The following SGCZ variants were observed in gnomAD, a reference collection of about 807,000 sequenced individuals.
SGCZ encodes the protein zeta-sarcoglycan.
SGCZ carries 40 observed loss-of-function variants against 41.3 expected under a neutral mutation model. That is an observed-to-expected ratio of 0.97 (90% CI 0.75 to 1.26). The LOEUF (loss-of-function observed/expected upper bound fraction) is 1.26. SGCZ is among the 50% of genes most tolerant of loss of function. The pLI is 0.00. For synonymous variants in SGCZ, 206 were observed against 137.5 expected (o/e 1.50, Z -3.49); for missense variants, 552 against 369.8 (o/e 1.49, Z -4.04).
At chr8:14,235,556 C>T (rs988630518) in intron 4 of SGCZ, among the ~76,000 whole-genome samples, 1 of 152,200 alleles carries the variant, frequency 6.6e-6, no homozygotes, top group Non-Finnish European at 1.5e-5. Flanking sequence ...TTATTTCCTG[C>T]AGGAAAGCAT....
intron 2 of SGCZ, among the ~76,000 whole-genome samples, chr8:14,526,346 G>T (rs998022782): frequency 2.0e-5 from 3 of 152,098 alleles, no homozygotes; most frequent in Admixed American, 2.0e-4. Flanking sequence ...GCAATAGTCA[G>T]AGTTCTTTTC....
At chr8:14,212,402 C>G (rs1210665717) in intron 4 of SGCZ, among the ~76,000 whole-genome samples, 1 of 147,440 alleles carries the variant, frequency 6.8e-6, no homozygotes, top group Non-Finnish European at 1.5e-5. Flanking sequence ...AGGCATCAAG[C>G]AGGAGCTTTA....
intron 1 of SGCZ, among the ~76,000 whole-genome samples, chr8:14,684,675 C>T (rs62493145): frequency 0.4 from 59,229 of 147,486 alleles, 13,910 homozygotes; most frequent in Non-Finnish European, 0.54. Context: ...GAAATAGTTT[C>T]GACACCTTTG....
At chr8:14,426,111 G>A (rs531129347) in intron 2 of SGCZ, among the ~76,000 whole-genome samples, 78 of 152,082 alleles carry the variant, frequency 5.1e-4, no homozygotes, top group African/African-American at 1.8e-3. Context: ...TTGAGTGCCT[G>A]GTCTATTCCA....
intron 1 of SGCZ, among the ~76,000 whole-genome samples, chr8:14,828,355 C>T (rs772414069): frequency 6.6e-6 from 1 of 152,110 alleles, no homozygotes; most frequent in South Asian, 2.1e-4. Context: ...TGATTAAAAG[C>T]AAAAACAAAA....
intron 2 of SGCZ, among the ~76,000 whole-genome samples, chr8:14,536,649 A>C (rs2117139283): frequency 6.6e-6 from 1 of 152,032 alleles, no homozygotes; most frequent in African/African-American, 2.4e-5. Context: ...GCATAGAAAT[A>C]GAAGCACTTA....
At chr8:14,541,691 C>G (rs547366840) in intron 2 of SGCZ, among the ~76,000 whole-genome samples, 4 of 152,168 alleles carry the variant, frequency 2.6e-5, no homozygotes, top group African/African-American at 9.6e-5. Flanking sequence ...ATTCTAGATC[C>G]TTGAGGAATT....
chr8:15,131,198 T>G (rs1807885013), intron 1 of SGCZ, among the ~76,000 whole-genome samples: 1 of 152,222 alleles, frequency 6.6e-6, no homozygotes, highest in Non-Finnish European at 1.5e-5. Flanking sequence ...GAATTGTAGC[T>G]GCCAGGATTC....
intron 1 of SGCZ, among the ~76,000 whole-genome samples, chr8:14,854,520 A>G (rs963066333): frequency 3.9e-5 from 6 of 152,174 alleles, no homozygotes; most frequent in African/African-American, 1.4e-4. Context: ...AATAAAATTA[A>G]TAAATTTCAC....
chr8:14,975,991 TATATATATAC>T (rs1801462543), intron 1 of SGCZ, among the ~76,000 whole-genome samples: 1 of 107,538 alleles, frequency 9.3e-6, no homozygotes, highest in South Asian at 3.4e-4. Context: ...TGTGTGTATA[TATATATATAC>T]ATATATATAT....
intron 2 of SGCZ, among the ~76,000 whole-genome samples, chr8:14,391,633 G>A (rs1259404357): frequency 6.6e-6 from 1 of 152,064 alleles, no homozygotes; most frequent in Non-Finnish European, 1.5e-5. Context: ...ATGAATTAAT[G>A]CATTAAAAGG....
intron 1 of SGCZ, among the ~76,000 whole-genome samples, chr8:15,234,992 G>A (rs1038509927): frequency 1.3e-5 from 2 of 152,246 alleles, no homozygotes; most frequent in Admixed American, 6.5e-5. Flanking sequence ...AAAAACCAAA[G>A]TTCTGTGTGG....
chr8:14,398,437 C>T (rs892612854), intron 2 of SGCZ, among the ~76,000 whole-genome samples: 8 of 152,088 alleles, frequency 5.3e-5, no homozygotes, highest in African/African-American at 1.9e-4. Flanking sequence ...AAAGGCCTAT[C>T]TTATAACCAT....
chr8:14,212,376 C>T (rs1805837816), intron 4 of SGCZ, among the ~76,000 whole-genome samples: 1 of 149,690 alleles, frequency 6.7e-6, no homozygotes, highest in East Asian at 2.0e-4. Flanking sequence ...TTTTTGTTTT[C>T]TCACGTAACA....
At chr8:14,855,776 T>C (rs1012107685) in intron 1 of SGCZ, among the ~76,000 whole-genome samples, 4 of 152,142 alleles carry the variant, frequency 2.6e-5, no homozygotes, top group South Asian at 2.1e-4. Flanking sequence ...GGTAACATAA[T>C]AGTAATGTTA....
chr8:14,536,694 A>T (rs1803307614), intron 2 of SGCZ, among the ~76,000 whole-genome samples: 1 of 151,882 alleles, frequency 6.6e-6, no homozygotes, highest in Non-Finnish European at 1.5e-5. Context: ...TATGCTGCTC[A>T]AAGCAGTCTG....
chr8:14,391,702 G>A (rs571693347), intron 2 of SGCZ, among the ~76,000 whole-genome samples: 1 of 152,080 alleles, frequency 6.6e-6, no homozygotes, highest in Admixed American at 6.6e-5. Flanking sequence ...GAACGGGAGT[G>A]TTTTAGTTTG....
chr8:14,328,732 C>T (rs1460074952), intron 2 of SGCZ, among the ~76,000 whole-genome samples: 2 of 152,002 alleles, frequency 1.3e-5, no homozygotes, highest in Non-Finnish European at 1.5e-5. Flanking sequence ...AAATGTGTCC[C>T]CTCTAAAATT....
intron 1 of SGCZ, among the ~76,000 whole-genome samples, chr8:14,846,848 T>C (rs912724465): frequency 2.0e-5 from 3 of 151,862 alleles, no homozygotes; most frequent in Admixed American, 6.6e-5. Context: ...GTCGGGTGGA[T>C]TGCCTGAGTT....
Sources: allele counts gnomAD v4.1 joint callset (sites outside exome capture counted in the v4.1 genomes callset), GRCh38; gene constraint gnomAD v4.1.1; transcripts MANE v1.5; gene names NCBI Gene and HGNC (gene_info 2026-07-23, HGNC 2026-07-21).